SMARCD3: variants seen among roughly 807,000 people sequenced by gnomAD.
SMARCD3 encodes the protein SWI/SNF-related matrix-associated actin-dependent regulator of chromatin subfamily D member 3.
SMARCD3 carries 14 observed loss-of-function variants against 58.0 expected under a neutral mutation model. The ratio of observed to expected loss-of-function variants is 0.24; its 90% confidence interval spans 0.16 to 0.38. The LOEUF is 0.38. Among genes scored for constraint, SMARCD3 ranks in the 10% least tolerant of loss-of-function variants. The probability of loss-of-function intolerance (pLI) is 1.00; values close to 1 mark genes in which losing one functional copy is unlikely to be tolerated. For missense variants in SMARCD3, 408 were observed against 636.9 expected, an observed-to-expected ratio of 0.64 and a Z score of 3.87; for synonymous variants, 253 against 253.8, an observed-to-expected ratio of 1.00 and a Z score of 0.03.
rs534359825 is a variant in SMARCD3 at position 151,256,598 on chromosome 7, G to A, written c.40-10927C>T. ...CCCCACCCGGTCTCATTGTGGATTCGGCACGAGCTCAGCTGGCATCGTGCT... is the reference window on the plus strand; with the variant it reads ...CCCCACCCGGTCTCATTGTGGATTCAGCACGAGCTCAGCTGGCATCGTGCT... On this transcript the variant is annotated intron_variant, in intron 2 of 13. Transcript: ENST00000356800. Among the ~76,000 whole-genome samples, 29 of 152,138 alleles carry A rather than the reference G, an allele frequency of 1.9e-4. No individual in the cohort carries two copies. The East Asian group carries it at 2.9e-3, about 15-fold the overall frequency.
In SMARCD3 at chr7:151,245,811, G is replaced by A; in HGVS notation, c.79-140C>T. 2.6e-6 allele frequency: 1 copy of A among 383,546 alleles called. No individual in the cohort carries two copies. The highest frequency in any genetic ancestry group is 4.6e-6 in the Non-Finnish European group (1 of 216,528). The allele number at this position is 383,546 out of a possible 1,614,324, so 23.8% of individuals were successfully genotyped here. A position where few individuals can be genotyped will look rare whatever the true frequency, so the allele number is the denominator to read the frequency against. The stretch of plus-strand genomic sequence containing the variant: ...ACCCTGAGCGTTGAGCGATGGGTGG[G>A]AGCGATGGGTAGGAGGGGCAGGGGC... On this transcript the variant is annotated intron_variant, in intron 1 of 12. Coordinates refer to ENST00000262188, the MANE Select transcript of SMARCD3 (RefSeq NM_001003801.2). The surrounding 1 kb of genome is among the most constrained non-coding windows in gnomAD (Gnocchi z 6.2).
upstream of SMARCD3, among the ~76,000 whole-genome samples, chr7:151,253,641 G>A (rs912152739): frequency 4.6e-5 from 7 of 152,258 alleles, no homozygotes; most frequent in South Asian, 1.5e-3. Flanking sequence ...GCACATTTTG[G>A]ATTCACAGCA....
rs796929331 is a variant in SMARCD3 at position 151,248,304 on chromosome 7, C to G, written c.78+181G>C. Among the ~76,000 whole-genome samples, 26 of 151,982 alleles carry G rather than the reference C, an allele frequency of 1.7e-4. No individual in the cohort carries two copies. The highest frequency in any genetic ancestry group is 6.3e-4 in the African/African-American group (26 of 41,460). On this transcript the variant is annotated intron_variant, in intron 1 of 12. Coordinates refer to ENST00000262188, the MANE Select transcript of SMARCD3 (RefSeq NM_001003801.2). This position sits in a 1 kb window ranked among gnomAD's most constrained non-coding sequence, Gnocchi z 6.1. ...CCGCCTCGCGTCAGACCCGGCCGGC[C>G]GCCTGGCGACGTGTTCGGGTGCCAG... is the stretch of plus-strand genomic sequence containing the variant.
At chr7:151,263,075 A>G (rs1038371766) in intron 2 of SMARCD3, among the ~76,000 whole-genome samples, 8 of 152,110 alleles carry the variant, frequency 5.3e-5, no homozygotes, top group African/African-American at 1.9e-4. Context: ...AACCCACCTT[A>G]TAAGTGGGGA....
chr7:151,250,235 C>T (rs1412424869), upstream of SMARCD3, among the ~76,000 whole-genome samples: 1 of 152,084 alleles, frequency 6.6e-6, no homozygotes, highest in East Asian at 1.9e-4. Context: ...GGGAGGACAT[C>T]TGGTCCAGGT....
At chr7:151,275,740 TC>T (rs1795320227) in intron 1 of SMARCD3, among the ~76,000 whole-genome samples, 1 of 152,186 alleles carries the variant, frequency 6.6e-6, no homozygotes, top group African/African-American at 2.4e-5. Context: ...TCCCTCCTGG[TC>T]CCTGCTAGTG....
chr7:151,251,905 G>A (rs960066892), upstream of SMARCD3, among the ~76,000 whole-genome samples: 14 of 146,800 alleles, frequency 9.5e-5, no homozygotes, highest in Non-Finnish European at 1.5e-4. Context: ...CGGCCGGGGA[G>A]CTGGGGGGGC....
chr7:151,263,758 A>G (rs10251297), intron 2 of SMARCD3, among the ~76,000 whole-genome samples: 4,296 of 152,192 alleles, frequency 0.028, 201 homozygotes, highest in African/African-American at 0.098. Flanking sequence ...TGATCGTCCC[A>G]TTTCTCCATT....
In SMARCD3 at chr7:151,248,157, G is replaced by A. The variant is rs749650080; in HGVS notation, c.78+328C>T. The stretch of plus-strand genomic sequence containing the variant: ...ACCCCCAGGGCAGGGGCAACACCTG[G>A]GCCCACAAGGAAAAGAACGAAAGTC... On this transcript the variant is annotated intron_variant, in intron 1 of 12. Coordinates refer to ENST00000262188, the MANE Select transcript of SMARCD3 (RefSeq NM_001003801.2). This position sits in a 1 kb window ranked among gnomAD's most constrained non-coding sequence, Gnocchi z 6.1. Among the ~76,000 whole-genome samples, 37 of 151,642 alleles carry A rather than the reference G, an allele frequency of 2.4e-4. No individual in the cohort carries two copies. The highest frequency in any genetic ancestry group is 5.3e-4 in the Non-Finnish European group (36 of 67,870).
At chr7:151,273,240 A>G (rs1795233899) in intron 2 of SMARCD3, among the ~76,000 whole-genome samples, 1 of 152,160 alleles carries the variant, frequency 6.6e-6, no homozygotes, top group Non-Finnish European at 1.5e-5. Flanking sequence ...TGTCACTAGG[A>G]TGGACCTACT....
At chr7:151,272,755 C>T (rs1291173052) in intron 2 of SMARCD3, among the ~76,000 whole-genome samples, 1 of 152,108 alleles carries the variant, frequency 6.6e-6, no homozygotes, top group Non-Finnish European at 1.5e-5. Context: ...ATTCCCACAC[C>T]CCTCATTAGC....
intron 2 of SMARCD3, among the ~76,000 whole-genome samples, chr7:151,262,348 T>C (rs73169683): frequency 0.069 from 10,535 of 152,202 alleles, 536 homozygotes; most frequent in Non-Finnish European, 0.1. Flanking sequence ...ACTCAGAGTG[T>C]TGGGATTACA....
rs552024202 is a variant in SMARCD3, at chr7:151,246,862, A to C, written c.79-1191T>G. 2.4e-4 allele frequency among the ~76,000 whole-genome samples: 36 copies of C among 152,228 alleles called. No individual in the cohort carries two copies. Among genetic ancestry groups the C allele is most frequent in the African/African-American group, 7.7e-4 (32 of 41,538 alleles). On this transcript the variant is annotated intron_variant, in intron 1 of 12. Coordinates refer to ENST00000262188, the MANE Select transcript of SMARCD3 (RefSeq NM_001003801.2). The surrounding 1 kb of genome is among the most constrained non-coding windows in gnomAD (Gnocchi z 4.4). ...TGGGGACTGGGACCACGAAAGCAGG[A>C]AGAAGATCAGAGGGCAGGGGATGCA...
In SMARCD3 at chr7:151,243,614, C is replaced by T; in HGVS notation, c.333+45G>A. The T allele has an allele frequency of 8.8e-7, 1 of 1,138,850 alleles. No individual in the cohort carries two copies. Among genetic ancestry groups the T allele is most frequent in the Non-Finnish European group, 1.3e-6 (1 of 752,824 alleles). 70.5% of individuals were successfully genotyped at this position (1,138,850 alleles called of 1,614,324 possible). A position where few individuals can be genotyped will look rare whatever the true frequency, so the allele number is the denominator to read the frequency against. ...GAGGGGGGAGGGGAGGGCGGAGCAGCAAAGGGTGGGGGGTGGGCTGGGGGC... is the reference window on the plus strand; with the variant it reads ...GAGGGGGGAGGGGAGGGCGGAGCAGTAAAGGGTGGGGGGTGGGCTGGGGGC... On this transcript the variant is annotated intron_variant, in intron 3 of 12. Coordinates refer to ENST00000262188, the MANE Select transcript of SMARCD3 (RefSeq NM_001003801.2). This position sits in a 1 kb window ranked among gnomAD's most constrained non-coding sequence, Gnocchi z 4.4.
At chr7:151,244,079 T>A (rs144165942) in intron 2 of SMARCD3, among the ~76,000 whole-genome samples, 74 of 152,252 alleles carry the variant, frequency 4.9e-4, no homozygotes, top group African/African-American at 1.6e-3. Context: ...CTGAAGACCT[T>A]TTCTGGAAAG....
chr7:151,261,005 A>C (rs1803900511), intron 2 of SMARCD3, among the ~76,000 whole-genome samples: 1 of 152,196 alleles, frequency 6.6e-6, no homozygotes, highest in Non-Finnish European at 1.5e-5. Flanking sequence ...AAATGGCTAC[A>C]GTGGCACCAA....
chr7:151,242,129 G>T lies in SMARCD3; in HGVS notation c.675+8C>A. The T allele has an allele frequency of 1.2e-6, 2 of 1,603,446 alleles. No individual in the cohort carries two copies. Among genetic ancestry groups the T allele is most frequent in the Non-Finnish European group, 1.7e-6 (2 of 1,170,298 alleles). Reference sequence around the variant, plus strand: ...GCAATTCAAGGGCGGAGGGGCTCTTGGTCTTACCTCAACGAGGTGGTTGTC... The same window carrying T: ...GCAATTCAAGGGCGGAGGGGCTCTTTGTCTTACCTCAACGAGGTGGTTGTC... On this transcript the variant is annotated splice_region_variant and intron_variant, in intron 6 of 12. Coordinates refer to ENST00000262188, the MANE Select transcript of SMARCD3 (RefSeq NM_001003801.2). This position sits in a 1 kb window ranked among gnomAD's most constrained non-coding sequence, Gnocchi z 4.7.
rs371537206 is a variant in SMARCD3, at chr7:151,242,612, A to G, written c.457-9T>C. ...CGCAGCTTCCGCTTTTGCTGTAGAA[A>G]TAGAGTGCAGAACCGGGCGAATGCT... On this transcript the variant is annotated splice_polypyrimidine_tract_variant and intron_variant, in intron 4 of 12. Transcript: ENST00000262188. This position sits in a 1 kb window ranked among gnomAD's most constrained non-coding sequence, Gnocchi z 4.7. 7.6e-5 allele frequency: 123 copies of G among 1,612,854 alleles called. No homozygotes were observed. Among genetic ancestry groups the G allele is most frequent in the Non-Finnish European group, 1.0e-4 (120 of 1,178,984 alleles).
At chr7:151,258,794 A>G (rs925336502) in intron 2 of SMARCD3, among the ~76,000 whole-genome samples, 8 of 151,890 alleles carry the variant, frequency 5.3e-5, no homozygotes, top group Non-Finnish European at 8.8e-5. Flanking sequence ...GGTGCTTTGG[A>G]AACTCCAGGT....
Sources: allele counts gnomAD v4.1 joint callset (sites outside exome capture counted in the v4.1 genomes callset), GRCh38; gene constraint gnomAD v4.1.1; non-coding constraint Gnocchi (gnomAD v3.1); transcripts MANE v1.5; gene names NCBI Gene and HGNC (gene_info 2026-07-23, HGNC 2026-07-21).